Variants in ARHGAP22 observed in about 807,000 individuals in gnomAD.
ARHGAP22 encodes the protein rho GTPase-activating protein 22.
In ARHGAP22, 48 loss-of-function variants were observed where a neutral mutation model predicts 59.1. The observed-to-expected ratio is 0.81, with a 90% CI of 0.64 to 1.03. ARHGAP22 has a LOEUF of 1.03. Ranked by LOEUF, ARHGAP22 falls within the 50% of genes least tolerant of loss-of-function variation. The pLI, the probability that ARHGAP22 is intolerant of heterozygous loss-of-function variation, is 0.00. For synonymous variants in ARHGAP22, 445 were observed against 416.4 expected, an observed-to-expected ratio of 1.07 and a Z score of -0.84; for missense variants, 1,015 against 958.7, an observed-to-expected ratio of 1.06 and a Z score of -0.78.
At chr10:48,431,541 T>C in the ARHGAP22 span, among the ~76,000 whole-genome samples, 1 of 152,230 alleles carries the variant, frequency 6.6e-6, no homozygotes, top group African/African-American at 2.4e-5. Flanking sequence ...GCTGGGTCTT[T>C]AAAGAGGAAA....
At chr10:48,616,117 T>C (rs576528711) in intron 1 of ARHGAP22, among the ~76,000 whole-genome samples, 1 of 152,312 alleles carries the variant, frequency 6.6e-6, no homozygotes, top group South Asian at 2.1e-4. Context: ...TCTGTGGCAA[T>C]GCTGTGTCAA....
intron 3 of ARHGAP22, among the ~76,000 whole-genome samples, chr10:48,485,248 A>G (rs1030809836): frequency 1.1e-4 from 16 of 152,052 alleles, no homozygotes; most frequent in Non-Finnish European, 5.9e-5. Flanking sequence ...GTTCAGTGCT[A>G]TAATTGTCCC....
Position 48,472,828 on chromosome 10 carries a change from C to CAA in ARHGAP22, c.451+6806_451+6807dup, listed in dbSNP as rs36082162. On this transcript the variant is annotated intron_variant, in intron 4 of 9. Coordinates refer to ENST00000249601, the MANE Select transcript of ARHGAP22 (RefSeq NM_021226.4). ...TTAGGATGGCTATTAAAAAAAAAAC[C>CAA]AAAAAAAACAGAAAACAAGTGCTGG... 1.1e-4 allele frequency among the ~76,000 whole-genome samples: 16 copies of CAA among 150,502 alleles called. No individual in the cohort carries two copies. In the East Asian group the frequency reaches 1.2e-3, roughly 11 times the overall value.
chr10:48,552,027 T>G (rs1242981197), intron 3 of ARHGAP22, among the ~76,000 whole-genome samples: 1 of 152,264 alleles, frequency 6.6e-6, no homozygotes, highest in African/African-American at 2.4e-5. Flanking sequence ...GGCAGATCTC[T>G]CCACTAGATG....
intron 7 of ARHGAP22, 75 bp downstream of exon 7, chr10:48,454,013 C>A: frequency 1.4e-6 from 2 of 1,455,664 alleles, no homozygotes; most frequent in Non-Finnish European, 1.9e-6. Flanking sequence ...GGAAGAGTTG[C>A]GTGTCTCGCT....
intron 3 of ARHGAP22, among the ~76,000 whole-genome samples, chr10:48,516,956 A>G (rs1467862619): frequency 6.6e-6 from 1 of 152,246 alleles, no homozygotes; most frequent in Non-Finnish European, 1.5e-5. Context: ...CCATACATAG[A>G]TGAACCTTGA....
chr10:48,620,744 G>A (rs761935310), intron 1 of ARHGAP22, among the ~76,000 whole-genome samples: 1 of 152,198 alleles, frequency 6.6e-6, no homozygotes, highest in Non-Finnish European at 1.5e-5. Flanking sequence ...AGTGAACAAA[G>A]TACATAGGGT....
At chr10:48,435,167 AT>A in the ARHGAP22 span, 65 of 598,954 alleles carry the variant, frequency 1.1e-4, no homozygotes, top group South Asian at 4.4e-4. Flanking sequence ...AAAGTAGTTT[AT>A]TTTTTTTAAT....
intron 1 of ARHGAP22, among the ~76,000 whole-genome samples, chr10:48,592,070 C>T (rs991387636): frequency 4.6e-5 from 7 of 152,154 alleles, no homozygotes; most frequent in Admixed American, 4.6e-4. Context: ...GCTATATTCA[C>T]ATTAGAAAAG....
intron 3 of ARHGAP22, among the ~76,000 whole-genome samples, chr10:48,553,847 C>T (rs1168024851): frequency 6.6e-6 from 1 of 152,168 alleles, no homozygotes; most frequent in African/African-American, 2.4e-5. Context: ...ACACTCAGTG[C>T]CTTTCTGAAT....
intron 3 of ARHGAP22, among the ~76,000 whole-genome samples, chr10:48,485,330 C>G (rs147675619): frequency 3.9e-5 from 6 of 152,146 alleles, no homozygotes; most frequent in African/African-American, 1.4e-4. Flanking sequence ...GTTCAAAATA[C>G]CTTCTAGTTT....
intron 2 of ARHGAP22, among the ~76,000 whole-genome samples, chr10:48,562,231 A>G (rs2057736276): frequency 6.6e-6 from 1 of 151,590 alleles, no homozygotes; most frequent in Non-Finnish European, 1.5e-5. Context: ...ATCTCAAAAA[A>G]AAAAAAGAAA....
At chr10:48,520,401 G>C (rs551878948) in intron 3 of ARHGAP22, among the ~76,000 whole-genome samples, 1 of 152,344 alleles carries the variant, frequency 6.6e-6, no homozygotes, top group East Asian at 1.9e-4. Context: ...AGGGGCCTAA[G>C]GGGAGCAGGC....
At chr10:48,439,327 TAAAA>T in the ARHGAP22 span, 20 of 150,158 alleles carry the variant, frequency 1.3e-4, no homozygotes, top group Middle Eastern at 3.2e-3. Context: ...ATATTTTAAA[TAAAA>T]AAGAAAAAAG....
chr10:48,499,444 C>A (rs887814640), intron 3 of ARHGAP22, among the ~76,000 whole-genome samples: 1 of 152,202 alleles, frequency 6.6e-6, no homozygotes, highest in Non-Finnish European at 1.5e-5. Context: ...GATAAATATT[C>A]TTTGTTAAAT....
At chr10:48,591,057 C>A (rs1395664132) in intron 1 of ARHGAP22, among the ~76,000 whole-genome samples, 1 of 152,170 alleles carries the variant, frequency 6.6e-6, no homozygotes, top group Non-Finnish European at 1.5e-5. Context: ...GGGATTCAAG[C>A]CCTGGCTGGT....
chr10:48,642,719 A>G (rs2136166819), intron 1 of ARHGAP22, among the ~76,000 whole-genome samples: 1 of 152,366 alleles, frequency 6.6e-6, no homozygotes, highest in Admixed American at 6.5e-5. Context: ...AATGGCAACA[A>G]AAGCCAAAAT....
chr10:48,433,323 A>C, the ARHGAP22 span, among the ~76,000 whole-genome samples: 1 of 152,232 alleles, frequency 6.6e-6, no homozygotes, highest in African/African-American at 2.4e-5. Context: ...ATATATAAAA[A>C]TTGTATATGT....
Position 48,650,842 on chromosome 10 carries a change from G to T in ARHGAP22, c.52+1392C>A, listed in dbSNP as rs1022137189. 9.2e-5 allele frequency among the ~76,000 whole-genome samples: 14 copies of T among 152,282 alleles called. 1 individual carries two copies. Among genetic ancestry groups the T allele is most frequent in the Admixed American group, 6.5e-4 (10 of 15,294 alleles). On this transcript the variant is annotated intron_variant, in intron 1 of 9. Coordinates refer to the ARHGAP22 transcript ENST00000435790. ...GAACAGTTAAAGGTTAATCTCAGCTGCTCCCCCACCCCCTATTTTCTCCTG... is the reference window on the plus strand; with the variant it reads ...GAACAGTTAAAGGTTAATCTCAGCTTCTCCCCCACCCCCTATTTTCTCCTG...
Sources: allele counts gnomAD v4.1 joint callset (sites outside exome capture counted in the v4.1 genomes callset), GRCh38; gene constraint gnomAD v4.1.1; transcripts MANE v1.5; gene names NCBI Gene and HGNC (gene_info 2026-07-23, HGNC 2026-07-21).